ANGPT2: variants seen among roughly 807,000 people sequenced by gnomAD.
ANGPT2 encodes angiopoietin 2, also known as angiopoietin-2.
ANGPT2 carries 28 observed loss-of-function variants against 62.9 expected under a neutral mutation model. That is an observed-to-expected ratio of 0.44 (90% confidence interval 0.33 to 0.61). The LOEUF (loss-of-function observed/expected upper bound fraction) is 0.61. Among genes scored for constraint, ANGPT2 ranks in the 20% least tolerant of loss-of-function variants. ANGPT2 has a pLI of 0.03. For synonymous variants in ANGPT2, 284 were observed against 207.8 expected (o/e 1.37, Z -3.15); for missense variants, 727 against 594.9 (o/e 1.22, Z -2.31).
chr8:6,555,562 A>G (rs185540861), intron 1 of ANGPT2, among the ~76,000 whole-genome samples: 21 of 151,668 alleles, frequency 1.4e-4, no homozygotes, highest in Admixed American at 5.9e-4. Flanking sequence ...CCTGGGTTCA[A>G]ATGATCCACC....
intron 1 of ANGPT2, among the ~76,000 whole-genome samples, chr8:6,555,663 G>C (rs555375213): frequency 6.6e-6 from 1 of 151,870 alleles, no homozygotes; most frequent in African/African-American, 2.4e-5. Flanking sequence ...GGGTTTCATC[G>C]TGTTGGCCAG....
rs1332062975 is a variant in ANGPT2 at position 6,519,979 on chromosome 8, G to C, written c.812C>G (p.Thr271Ser). 6.2e-7 allele frequency: 1 copy of C among 1,614,048 alleles called. No individual in the cohort carries two copies. The highest frequency in any genetic ancestry group is 1.3e-5 in the African/African-American group (1 of 75,044). ...GCTGATTTGTTCTTCTTTAGCAACA[G>C]TGGGGTCCTTAGCTGCTTTTAAAAA... Reference protein sequence around the residue: ...MMSTSNSKDPTVAKEEQISFR... With the variant: ...MMSTSNSKDPSVAKEEQISFR... The change falls in exon 5 of 9, where the codon ACT (threonine) becomes AGT (serine). Residue 271 changes from threonine (T) to serine (S), a missense_variant. By Grantham distance (58) the Thr-to-Ser change is moderately conservative. Coordinates refer to ENST00000629816, the MANE Select transcript of ANGPT2 (RefSeq NM_001118887.2).
intron 4 of ANGPT2, 61 bp from the exon 5 acceptor site, chr8:6,520,052 T>C: frequency 1.3e-6 from 2 of 1,578,914 alleles, no homozygotes; most frequent in Non-Finnish European, 8.6e-7. Flanking sequence ...AGACTTGTTA[T>C]TTCAAGAGCC....
rs559725415 is a variant in ANGPT2 at position 6,561,661 on chromosome 8, G to A, written c.288+986C>T. Among the ~76,000 whole-genome samples the A allele has an allele frequency of 2.0e-5, 3 of 152,260 alleles. No homozygotes were observed. The East Asian group carries it at 5.8e-4, about 29-fold the overall frequency. On this transcript the variant is annotated intron_variant, in intron 1 of 8. Transcript: ENST00000629816. The stretch of plus-strand genomic sequence containing the variant: ...CATTGTGATGTAATGGCATCATCAT[G>A]CTACTTAACAATTAATTTATGCATT...
chr8:6,522,644 C>T (rs938668693), intron 3 of ANGPT2, among the ~76,000 whole-genome samples: 1 of 150,700 alleles, frequency 6.6e-6, no homozygotes, highest in South Asian at 2.1e-4. Flanking sequence ...CGTGGGGGTA[C>T]ATGAATGTAA....
rs1283520388 is a variant in ANGPT2, at chr8:6,500,004, A to C, written c.*3097T>G. The C allele has an allele frequency of 6.1e-6, 8 of 1,315,046 alleles. No individual in the cohort carries two copies. The East Asian group carries it at 1.8e-4, about 30-fold the overall frequency. The allele number at this position is 1,315,046 out of a possible 1,614,324, so 81.5% of individuals were successfully genotyped here. On this transcript the variant is annotated 3_prime_UTR_variant, in exon 9 of 9. Coordinates refer to ENST00000629816, the MANE Select transcript of ANGPT2 (RefSeq NM_001118887.2). Reference sequence around the variant, plus strand: ...GAAATTATTATAAACATAAGGGTGGACTTAAGTTTTTATCCAGTCAAGCAC... The same window carrying C: ...GAAATTATTATAAACATAAGGGTGGCCTTAAGTTTTTATCCAGTCAAGCAC...
chr8:6,531,800 G>A (rs368257454), intron 2 of ANGPT2, among the ~76,000 whole-genome samples: 19 of 80,434 alleles, frequency 2.4e-4, no homozygotes, highest in Admixed American at 1.0e-3. Flanking sequence ...TTGCTCGGGC[G>A]TAGCACCATC....
In ANGPT2 at chr8:6,521,273, A is replaced by G. The variant is rs149699486; in HGVS notation, c.704T>C (p.Val235Ala). ...SIIEELEKKI[V>A]TATVNNSVLQ... ...AACTGAATTATTCACCGTGGCAGTC[A>G]CTATTTTTTTTTCTAGTTCTTCAAT... The change falls in exon 4 of 9, where the codon GTG becomes GCG. Residue 235 changes from valine (V) to alanine (A), a missense_variant. Val to Ala is a moderately conservative substitution (Grantham distance 64, BLOSUM62 0). Coordinates refer to ENST00000629816, the MANE Select transcript of ANGPT2 (RefSeq NM_001118887.2). 447 of 1,613,858 alleles carry G rather than the reference A, an allele frequency of 2.8e-4. 2 individuals carry two copies. In the East Asian group the frequency reaches 9.3e-3, roughly 34 times the overall value.
In ANGPT2 at chr8:6,550,822, G is replaced by T. The variant is rs567232447; in HGVS notation, c.288+11825C>A. 3.0e-4 allele frequency among the ~76,000 whole-genome samples: 45 copies of T among 152,316 alleles called. 1 individual carries two copies. Among genetic ancestry groups the T allele is most frequent in the African/African-American group, 1.1e-3 (44 of 41,572 alleles). On this transcript the variant is annotated intron_variant, in intron 1 of 8. Transcript: ENST00000629816. ...CTGTTGTGAAATTGAGTGAGACGAT[G>T]TAAGCACATGGCGTGCACCTGATAA...
At chr8:6,559,246 C>CACACACAT (rs1359259000) in intron 1 of ANGPT2, among the ~76,000 whole-genome samples, 2 of 151,798 alleles carry the variant, frequency 1.3e-5, no homozygotes, top group Non-Finnish European at 2.9e-5. Flanking sequence ...CACACACACA[C>CACACACAT]ACACACACAC....
intron 6 of ANGPT2, among the ~76,000 whole-genome samples, chr8:6,514,183 A>G (rs1277032930): frequency 6.6e-6 from 1 of 152,158 alleles, no homozygotes; most frequent in Admixed American, 6.5e-5. Flanking sequence ...CTTTAAAAAT[A>G]AGCTAAGTAG....
At chr8:6,535,759 A>G (rs929993804) in intron 1 of ANGPT2, among the ~76,000 whole-genome samples, 3 of 152,164 alleles carry the variant, frequency 2.0e-5, no homozygotes, top group Non-Finnish European at 4.4e-5. Context: ...ATTTAAAAAG[A>G]TATTTGAGCC....
chr8:6,531,170 C>G (rs2129571553), intron 2 of ANGPT2, among the ~76,000 whole-genome samples: 1 of 151,966 alleles, frequency 6.6e-6, no homozygotes, highest in South Asian at 2.1e-4. Context: ...TTTTCCCTTT[C>G]CCACCCAGGC....
At chr8:6,513,277 T>C (rs1815540483) in intron 7 of ANGPT2, among the ~76,000 whole-genome samples, 1 of 152,288 alleles carries the variant, frequency 6.6e-6, no homozygotes, top group East Asian at 1.9e-4. Flanking sequence ...ATTGTGTTTC[T>C]CATTTTCTGG....
In ANGPT2 at chr8:6,503,111, G is replaced by T; in HGVS notation, c.1478C>A (p.Ala493Glu). 6.2e-7 allele frequency: 1 copy of T among 1,614,178 alleles called. No individual in the cohort carries two copies. The highest frequency in any genetic ancestry group is 8.5e-7 in the Non-Finnish European group (1 of 1,180,026). The change falls in exon 9 of 9, where the codon GCA (alanine) becomes GAA (glutamate). Residue 493 changes from alanine (A) to glutamate (E), a missense_variant. By Grantham distance (107) the Ala-to-Glu change is moderately radical. Coordinates refer to ENST00000629816, the MANE Select transcript of ANGPT2 (RefSeq NM_001118887.2). ...GGTGGACTGGGATGTTTAGAAATCT[G>T]CTGGTCGGATCATCATGGTTGTGGC... Reference protein sequence around the residue: ...LKATTMMIRPADF With the variant: ...LKATTMMIRPEDF
At chr8:6,560,312 G>T (rs1291559994) in intron 1 of ANGPT2, among the ~76,000 whole-genome samples, 1 of 152,252 alleles carries the variant, frequency 6.6e-6, no homozygotes, top group Admixed American at 6.5e-5. Flanking sequence ...AAATCAGTGG[G>T]TGTTAGGTTG....
At chr8:6,503,631 AGT>A (rs1812645710) in intron 8 of ANGPT2, among the ~76,000 whole-genome samples, 4 of 152,222 alleles carry the variant, frequency 2.6e-5, no homozygotes, top group Non-Finnish European at 4.4e-5. Context: ...ATTACTTTGC[AGT>A]CCCAGCAACA....
At chr8:6,561,504 C>A (rs897637544) in intron 1 of ANGPT2, among the ~76,000 whole-genome samples, 2 of 152,208 alleles carry the variant, frequency 1.3e-5, no homozygotes, top group Admixed American at 6.5e-5. Context: ...GGTGTCCTAA[C>A]AAAAGGTTTA....
At chr8:6,554,062 C>G (rs984100956) in intron 1 of ANGPT2, among the ~76,000 whole-genome samples, 2 of 150,588 alleles carry the variant, frequency 1.3e-5, no homozygotes, top group Non-Finnish European at 2.9e-5. Context: ...AATGAAGGTG[C>G]TAATGTATTT....
Sources: allele counts gnomAD v4.1 joint callset (sites outside exome capture counted in the v4.1 genomes callset), GRCh38; gene constraint gnomAD v4.1.1; transcripts MANE v1.5; gene names NCBI Gene and HGNC (gene_info 2026-07-23, HGNC 2026-07-21).